TIAM1: variants seen among roughly 807,000 people sequenced by gnomAD.
TIAM1 encodes the protein rho guanine nucleotide exchange factor TIAM1.
TIAM1 carries 65 observed loss-of-function variants against 163.5 expected under a neutral mutation model. The ratio of observed to expected loss-of-function variants is 0.40; its 90% confidence interval spans 0.33 to 0.49. The LOEUF (loss-of-function observed/expected upper bound fraction) is 0.49, where lower values mean the gene tolerates loss of function less well. TIAM1 is among the 20% of genes least tolerant of loss of function. TIAM1 has a pLI of 0.77. For missense variants in TIAM1, 1,789 were observed against 2,044.7 expected, an observed-to-expected ratio of 0.87 and a Z score of 2.41; for synonymous variants, 833 against 810.1, an observed-to-expected ratio of 1.03 and a Z score of -0.48.
intron 1 of TIAM1, among the ~76,000 whole-genome samples, chr21:31,470,687 G>A (rs1373180144): frequency 1.3e-5 from 2 of 152,202 alleles, no homozygotes; most frequent in East Asian, 3.9e-4. Flanking sequence ...TTTCTGAAAA[G>A]AGAAATCCAG....
At chr21:31,222,703 ATATATTTTTTTT>A (rs2087665412) in intron 8 of TIAM1, among the ~76,000 whole-genome samples, 2 of 43,282 alleles carry the variant, frequency 4.6e-5, no homozygotes, top group Non-Finnish European at 7.3e-5. Flanking sequence ...ATATATATAT[ATATATTTTTTTT>A]TTTTTTTTTT....
chr21:31,325,848 T>G (rs1390860870), intron 2 of TIAM1, among the ~76,000 whole-genome samples: 10 of 152,100 alleles, frequency 6.6e-5, no homozygotes, highest in Non-Finnish European at 1.5e-5. Context: ...CCCACACTTT[T>G]CAATATTTTT....
chr21:31,147,737 T>TA (rs2083195323), intron 19 of TIAM1, among the ~76,000 whole-genome samples: 1 of 143,102 alleles, frequency 7.0e-6, no homozygotes, highest in Admixed American at 7.1e-5. Flanking sequence ...ATATAATATA[T>TA]AAAAATATAT....
In TIAM1 at chr21:31,210,614, G is replaced by A. The variant is rs866527967; in HGVS notation, c.2218-399C>T. On this transcript the variant is annotated intron_variant, in intron 10 of 27. Coordinates refer to ENST00000541036, the MANE Select transcript of TIAM1 (RefSeq NM_001353694.2). The stretch of plus-strand genomic sequence containing the variant: ...AGAAAGAGAGAAAGAAGGAAGGAAG[G>A]GAGAAAGAAAGAAAGAAAGAAAGAA... Among the ~76,000 whole-genome samples, 198 of 48,348 alleles carry A rather than the reference G, an allele frequency of 4.1e-3. 2 individuals are homozygous for A. The highest frequency in any genetic ancestry group is 4.8e-3 in the Non-Finnish European group (124 of 25,746). 31.7% of individuals were successfully genotyped at this position (48,348 alleles called of 152,430 possible).
chr21:31,186,651 C>T (rs911837554), intron 14 of TIAM1, among the ~76,000 whole-genome samples: 1 of 151,920 alleles, frequency 6.6e-6, no homozygotes, highest in Non-Finnish European at 1.5e-5. Flanking sequence ...TGGTGGCATG[C>T]ACCTGTACTC....
At chr21:31,213,632 G>A (rs1183517529) in intron 9 of TIAM1, among the ~76,000 whole-genome samples, 160 bp from the exon 10 acceptor site, 1 of 152,060 alleles carries the variant, frequency 6.6e-6, no homozygotes, top group Non-Finnish European at 1.5e-5. Context: ...ATTTATGGGA[G>A]CAGACCTGGA....
At chr21:31,463,221 G>A (rs755906232) in intron 2 of TIAM1, among the ~76,000 whole-genome samples, 11 of 152,242 alleles carry the variant, frequency 7.2e-5, no homozygotes, top group East Asian at 1.9e-4. Context: ...CTTACCTGCC[G>A]AAGGGCCGAG....
chr21:31,449,276 G>A (rs892028479), intron 2 of TIAM1, among the ~76,000 whole-genome samples: 1 of 151,912 alleles, frequency 6.6e-6, no homozygotes, highest in African/African-American at 2.4e-5. Flanking sequence ...GGATTGTTAT[G>A]AGATGAGAAA....
rs1173149336 is a variant in TIAM1 at position 31,141,024 on chromosome 21, C to A, written c.3774+94G>T. 4.2e-6 allele frequency: 4 copies of A among 947,330 alleles called. No homozygotes were observed. Among genetic ancestry groups the A allele is most frequent in the Non-Finnish European group, 6.2e-6 (4 of 640,752 alleles). The allele number at this position is 947,330 out of a possible 1,614,324, so 58.7% of individuals were successfully genotyped here. On this transcript the variant is annotated intron_variant, in intron 22 of 27. Transcript: ENST00000541036. This position sits in a 1 kb window ranked among gnomAD's most constrained non-coding sequence, Gnocchi z 4.7. ...AACAGCATCCTAACTATTTTACTTA[C>A]AAGTAACACCTTTTTAAAAAATAAA...
chr21:31,537,306 G>C (rs544275389), intron 1 of TIAM1, among the ~76,000 whole-genome samples: 110 of 152,286 alleles, frequency 7.2e-4, no homozygotes, highest in Non-Finnish European at 1.3e-3. Context: ...AGGGTCTTGG[G>C]ACTGAAGAGG....
intron 2 of TIAM1, among the ~76,000 whole-genome samples, chr21:31,392,127 T>C (rs913052052): frequency 6.6e-6 from 1 of 152,232 alleles, no homozygotes; most frequent in African/African-American, 2.4e-5. Flanking sequence ...GTGTATTAAA[T>C]GTATTTTCAA....
rs370969354 is a variant in TIAM1, at chr21:31,255,825, A to G, written c.964-3636T>C. ...AAAATAAACTCTCCATGTTAGAACCACTCCGTTGAAGAGATTTCCGATCAT... is the reference window on the plus strand; with the variant it reads ...AAAATAAACTCTCCATGTTAGAACCGCTCCGTTGAAGAGATTTCCGATCAT... On this transcript the variant is annotated intron_variant, in intron 4 of 27. Transcript: ENST00000541036. Among the ~76,000 whole-genome samples the G allele has an allele frequency of 3.3e-5, 5 of 152,158 alleles. No individual in the cohort carries two copies. In the South Asian group the frequency reaches 1.0e-3, roughly 32 times the overall value.
At chr21:31,316,360 A>G (rs1403913779) in intron 2 of TIAM1, among the ~76,000 whole-genome samples, 1 of 152,206 alleles carries the variant, frequency 6.6e-6, no homozygotes, top group East Asian at 1.9e-4. Flanking sequence ...TTTCAAGGAA[A>G]GGTTTATACC....
rs544318044 is a variant in TIAM1, at chr21:31,185,999, A to G, written c.2662+1002T>C. Among the ~76,000 whole-genome samples the G allele has an allele frequency of 3.3e-5, 5 of 152,326 alleles. No homozygotes were observed. In the South Asian group the frequency reaches 1.0e-3, roughly 32 times the overall value. ...CAGACTTCTGGCCTCCTAAACGGCG[A>G]GAGGATAAATTTCTGTTATTTTAAG... is the stretch of plus-strand genomic sequence containing the variant. On this transcript the variant is annotated intron_variant, in intron 14 of 27. Coordinates refer to ENST00000541036, the MANE Select transcript of TIAM1 (RefSeq NM_001353694.2).
intron 2 of TIAM1, among the ~76,000 whole-genome samples, chr21:31,403,449 T>C (rs996433123): frequency 5.3e-5 from 8 of 152,182 alleles, no homozygotes; most frequent in African/African-American, 1.7e-4. Context: ...TCCCGGCCGA[T>C]GACATACTTT....
intron 6 of TIAM1, among the ~76,000 whole-genome samples, chr21:31,228,661 G>A (rs1184817405): frequency 6.6e-6 from 1 of 152,198 alleles, no homozygotes; most frequent in African/African-American, 2.4e-5. Flanking sequence ...CACACATCTT[G>A]TTGGGGAAGG....
chr21:31,401,793 C>G (rs1239261770), intron 2 of TIAM1, among the ~76,000 whole-genome samples: 2 of 151,862 alleles, frequency 1.3e-5, no homozygotes, highest in East Asian at 3.9e-4. Flanking sequence ...CGCCTGGAAC[C>G]CTAGCTACTC....
At chr21:31,468,158 T>C (rs1672200692) in intron 1 of TIAM1, among the ~76,000 whole-genome samples, 1 of 151,740 alleles carries the variant, frequency 6.6e-6, no homozygotes, top group Non-Finnish European at 1.5e-5. Flanking sequence ...GCGATCTACT[T>C]GCTGGGCAGA....
At chr21:31,512,673 A>G (rs1874065209) in intron 1 of TIAM1, among the ~76,000 whole-genome samples, 1 of 140,178 alleles carries the variant, frequency 7.1e-6, no homozygotes, top group Admixed American at 7.5e-5. Context: ...ACTAAAGTGC[A>G]GTGGCGTGAT....
Sources: gnomAD v4.1 joint callset for allele counts (sites outside exome capture counted in the v4.1 genomes callset) on GRCh38, gnomAD v4.1.1 for gene constraint, Gnocchi (gnomAD v3.1) non-coding constraint, MANE v1.5 for transcripts, NCBI Gene and HGNC (gene_info 2026-07-23, HGNC 2026-07-21) for gene names.